Variants in MOCOS observed in about 807,000 individuals in gnomAD.
MOCOS encodes the protein human molybdenum cofactor sulfurase.
In MOCOS, 86 loss-of-function variants were observed where a neutral mutation model predicts 83.6. The ratio of observed to expected loss-of-function variants is 1.03; its 90% CI spans 0.86 to 1.23. The LOEUF (loss-of-function observed/expected upper bound fraction) is 1.23. Ranked by LOEUF, MOCOS falls within the 50% of genes most tolerant of loss-of-function variation. The pLI, the probability that MOCOS is intolerant of heterozygous loss-of-function variation, is 0.00. For missense variants in MOCOS, 1,120 were observed against 1,126.9 expected (o/e 0.99, Z 0.09); for synonymous variants, 445 against 434.7 (o/e 1.02, Z -0.29).
Position 36,213,304 on chromosome 18 carries a change from A to T in MOCOS, c.1219-62A>T, listed in dbSNP as rs557401324. 7.9e-6 allele frequency: 10 copies of T among 1,273,336 alleles called. No homozygotes were observed. The African/African-American group carries it at 1.0e-4, about 13-fold the overall frequency. 78.9% of individuals were successfully genotyped at this position (1,273,336 alleles called of 1,614,324 possible). Reference sequence around the variant, plus strand: ...AAAGAGAGGTCCAAATCCTGATCTGAATCTCTCAGAGTAAAACTGCACGTT... The same window carrying T: ...AAAGAGAGGTCCAAATCCTGATCTGTATCTCTCAGAGTAAAACTGCACGTT... On this transcript the variant is annotated intron_variant, in intron 6 of 14. Coordinates refer to ENST00000261326, the MANE Select transcript of MOCOS (RefSeq NM_017947.4).
chr18:36,198,638 A>G, intron 2 of MOCOS, 52 bp from the exon 3 acceptor site: 2 of 1,579,506 alleles, frequency 1.3e-6, no homozygotes, highest in African/African-American at 1.3e-5. Flanking sequence ...AGGAACACAA[A>G]AGAAGCGACC....
chr18:36,199,772 C>A lies in MOCOS; in HGVS notation c.389C>A (p.Ala130Asp). Residue 130 changes from alanine (A) to aspartate (D), a missense_variant, in exon 4 of 15, where the codon GCC becomes GAC. By Grantham distance (126) the Ala-to-Asp change is moderately radical. Coordinates refer to ENST00000261326, the MANE Select transcript of MOCOS (RefSeq NM_017947.4). ...GCTGCTCTCAAACTGGTGGCAGAGG[C>A]CTTTCCATGGGTGTCCCAGGGCCCA... Reference protein sequence around the residue: ...STAALKLVAEAFPWVSQGPES... With the variant: ...STAALKLVAEDFPWVSQGPES... 6.2e-7 allele frequency: 1 copy of A among 1,614,126 alleles called. No individual in the cohort carries two copies. Among genetic ancestry groups the A allele is most frequent in the Non-Finnish European group, 8.5e-7 (1 of 1,180,036 alleles).
At chr18:36,240,422 G>A in intron 9 of MOCOS, among the ~76,000 whole-genome samples, 1 of 149,560 alleles carries the variant, frequency 6.7e-6, no homozygotes, top group African/African-American at 2.5e-5. Context: ...CCCCTGCTGG[G>A]GGGTGCCTCC....
rs199590091 is a variant in MOCOS, at chr18:36,215,833, G to A, written c.1653G>A (p.Val551=). ...ACAACTCGTCTACTGTGAATGCTGT[G>A]CCTGTGGCCCCACCTGTGTGTGATG... ...VWNNSSTVNA[V]PVAPPVCDVA... is the part of the protein sequence containing the mutation. Residue 551 remains valine (V), a synonymous_variant, in exon 8 of 15, where the codon GTG becomes GTA. Transcript: ENST00000261326. 2.2e-5 allele frequency: 36 copies of A among 1,614,210 alleles called. No homozygotes were observed. The highest frequency in any genetic ancestry group is 3.0e-5 in the Non-Finnish European group (35 of 1,180,044).
At position 36,187,658 on chromosome 18, in the gene MOCOS, C is replaced by T; in HGVS notation, c.119C>T (p.Ala40Val). Reference protein sequence around the residue: ...YGPGSLRELRAREFSRLAGTV... With the variant: ...YGPGSLRELRVREFSRLAGTV... ...CCGGGCAGCCTGCGCGAGCTGCGGG[C>T]GCGCGAGTTCAGCCGCCTGGCAGGT... Residue 40 changes from alanine to valine, a missense_variant, in exon 1 of 15, where the codon GCG becomes GTG. Transcript: ENST00000261326. 1 of 1,256,674 alleles carries T rather than the reference C, an allele frequency of 8.0e-7. No homozygotes were observed. The allele number at this position is 1,256,674 out of a possible 1,614,324, so 77.8% of individuals were successfully genotyped here.
chr18:36,260,276 C>A, intron 13 of MOCOS, 101 bp downstream of exon 13: 2 of 1,474,340 alleles, frequency 1.4e-6, no homozygotes, highest in Non-Finnish European at 1.9e-6. Context: ...CCCTCCCAGT[C>A]CTTGTCTCTT....
intron 9 of MOCOS, among the ~76,000 whole-genome samples, chr18:36,243,878 C>T (rs950634556): frequency 1.3e-5 from 2 of 152,058 alleles, no homozygotes; most frequent in South Asian, 2.1e-4. Context: ...TATCCATCTT[C>T]TCTAGGTTTT....
chr18:36,219,883 ATCT>A (rs1307957398), intron 8 of MOCOS, among the ~76,000 whole-genome samples, 169 bp from the exon 9 acceptor site: 1 of 152,114 alleles, frequency 6.6e-6, no homozygotes, highest in East Asian at 1.9e-4. Context: ...CTCCTACATC[ATCT>A]TCTTTGCACT....
In MOCOS at chr18:36,198,773, C is replaced by T. The variant is rs1195920643; in HGVS notation, c.299+17C>T. ...GCGCTACAGGTAAGCATCAGGGACA[C>T]CTGCCTGACTGGGCATACCTAGGCA... On this transcript the variant is annotated intron_variant, in intron 3 of 14. Transcript: ENST00000261326. The T allele has an allele frequency of 1.9e-6, 3 of 1,613,006 alleles. No homozygotes were observed. The highest frequency in any genetic ancestry group is 1.7e-5 in the Admixed American group (1 of 60,008).
At chr18:36,258,384 A>G (rs72884246) in intron 12 of MOCOS, among the ~76,000 whole-genome samples, 1 of 152,324 alleles carries the variant, frequency 6.6e-6, no homozygotes, top group Non-Finnish European at 1.5e-5. Flanking sequence ...TACGAAGCCC[A>G]AAGTGAGGGT....
At chr18:36,244,731 C>T (rs898448672) in intron 9 of MOCOS, among the ~76,000 whole-genome samples, 1 of 152,060 alleles carries the variant, frequency 6.6e-6, no homozygotes, top group Non-Finnish European at 1.5e-5. Flanking sequence ...AAGTCTCCCA[C>T]TATTATTGTG....
intron 2 of MOCOS, among the ~76,000 whole-genome samples, chr18:36,195,584 G>C (rs1464541513): frequency 6.6e-6 from 1 of 152,212 alleles, no homozygotes; most frequent in Non-Finnish European, 1.5e-5. Context: ...GAAGAGGCCA[G>C]TGTTAGGAAG....
chr18:36,247,047 G>T (rs1019025370), intron 9 of MOCOS, among the ~76,000 whole-genome samples: 1 of 152,028 alleles, frequency 6.6e-6, no homozygotes, highest in East Asian at 1.9e-4. Context: ...CTCTGGGGGT[G>T]GGGGGCTGGT....
At chr18:36,232,453 A>G (rs1021832543) in intron 9 of MOCOS, among the ~76,000 whole-genome samples, 3 of 152,196 alleles carry the variant, frequency 2.0e-5, no homozygotes, top group Non-Finnish European at 2.9e-5. Context: ...TATATAGCAT[A>G]TTCATCACCT....
At chr18:36,210,324 G>A (rs886232821) in intron 6 of MOCOS, among the ~76,000 whole-genome samples, 1 of 152,056 alleles carries the variant, frequency 6.6e-6, no homozygotes, top group Non-Finnish European at 1.5e-5. Context: ...GGTGTTCAGG[G>A]CAGACACTGT....
intron 6 of MOCOS, among the ~76,000 whole-genome samples, chr18:36,209,031 C>T (rs2091444648): frequency 6.6e-6 from 1 of 152,134 alleles, no homozygotes; most frequent in South Asian, 2.1e-4. Flanking sequence ...TAAGCCTTTT[C>T]TGTGTCTATT....
chr18:36,267,575 A>G (rs949364619), intron 14 of MOCOS, among the ~76,000 whole-genome samples: 1 of 152,178 alleles, frequency 6.6e-6, no homozygotes, highest in African/African-American at 2.4e-5. Context: ...CACAGTATAG[A>G]CATTTGATTT....
chr18:36,201,990 G>A (rs2091416734), intron 4 of MOCOS, among the ~76,000 whole-genome samples: 1 of 152,132 alleles, frequency 6.6e-6, no homozygotes, highest in African/African-American at 2.4e-5. Flanking sequence ...GCTCACTGGG[G>A]GCCAGGGCAT....
chr18:36,265,895 T>TA (rs1317269074), intron 13 of MOCOS, among the ~76,000 whole-genome samples: 1 of 152,218 alleles, frequency 6.6e-6, no homozygotes, highest in Non-Finnish European at 1.5e-5. Flanking sequence ...GCCTGAACCG[T>TA]ATACATCATA....
Sources: gnomAD v4.1 joint callset for allele counts (sites outside exome capture counted in the v4.1 genomes callset) on GRCh38, gnomAD v4.1.1 for gene constraint, MANE v1.5 for transcripts, NCBI Gene and HGNC (gene_info 2026-07-23, HGNC 2026-07-21) for gene names.